EML5: variants seen among roughly 807,000 people sequenced by gnomAD.
EML5 encodes EMAP like 5.
EML5 carries 120 observed loss-of-function variants against 250.0 expected under a neutral mutation model. The observed-to-expected ratio is 0.48, with a 90% CI of 0.41 to 0.56. The LOEUF (loss-of-function observed/expected upper bound fraction) is 0.56, where lower values mean the gene tolerates loss of function less well. EML5 is among the 20% of genes least tolerant of loss of function. The probability of loss-of-function intolerance (pLI) is 0.00; values close to 1 mark genes in which losing one functional copy is unlikely to be tolerated. For missense variants in EML5, 2,006 were observed against 2,437.6 expected (o/e 0.82, Z 3.73); for synonymous variants, 771 against 806.5 (o/e 0.96, Z 0.75).
chr14:88,646,636 T>A (rs1240772123), intron 29 of EML5, among the ~76,000 whole-genome samples: 1 of 152,160 alleles, frequency 6.6e-6, no homozygotes, highest in East Asian at 1.9e-4. Context: ...TTTATAAAGA[T>A]CATTTAAGCA....
chr14:88,772,170 C>T (rs2094399570), intron 1 of EML5, among the ~76,000 whole-genome samples: 1 of 152,204 alleles, frequency 6.6e-6, no homozygotes, highest in African/African-American at 2.4e-5. Context: ...CTTTTCCTCA[C>T]TCATCTCATG....
At chr14:88,756,752 A>C (rs77759483) in intron 1 of EML5, among the ~76,000 whole-genome samples, 2,739 of 152,278 alleles carry the variant, frequency 0.018, 81 homozygotes, top group African/African-American at 0.061. Context: ...GAGGAATAAA[A>C]CATTTAGGAA....
At chr14:88,782,445 G>A (rs1285738515) in intron 1 of EML5, among the ~76,000 whole-genome samples, 1 of 152,200 alleles carries the variant, frequency 6.6e-6, no homozygotes, top group African/African-American at 2.4e-5. Flanking sequence ...TAAGAACGAG[G>A]AGCCAAAGGC....
At chr14:88,777,733 T>G (rs1430838842) in intron 1 of EML5, among the ~76,000 whole-genome samples, 2 of 152,184 alleles carry the variant, frequency 1.3e-5, no homozygotes, top group East Asian at 1.9e-4. Flanking sequence ...TCCCGGCACT[T>G]TGGGAGCTGA....
intron 21 of EML5, among the ~76,000 whole-genome samples, chr14:88,673,540 G>A (rs2092521901): frequency 6.6e-6 from 1 of 152,222 alleles, no homozygotes; most frequent in East Asian, 1.9e-4. Flanking sequence ...CATCAGACAA[G>A]AGAAAGAAAT....
chr14:88,765,891 C>T (rs186735469), intron 1 of EML5, among the ~76,000 whole-genome samples: 44 of 152,264 alleles, frequency 2.9e-4, no homozygotes, highest in Middle Eastern at 3.4e-3. Flanking sequence ...TCAGGGACCC[C>T]GAACGGAGGG....
chr14:88,745,694 C>T (rs1006224859), intron 3 of EML5, among the ~76,000 whole-genome samples: 2 of 152,130 alleles, frequency 1.3e-5, no homozygotes, highest in Non-Finnish European at 2.9e-5. Context: ...CTGCATATGT[C>T]AAACCCATCA....
intron 37 of EML5, chr14:88,621,821 C>T: frequency 2.2e-6 from 1 of 452,808 alleles, no homozygotes; most frequent in Non-Finnish European, 4.4e-6. Flanking sequence ...ATCTATAGGG[C>T]ATAGGGTAAT....
intron 21 of EML5, among the ~76,000 whole-genome samples, chr14:88,666,257 T>C (rs8005930): frequency 0.65 from 98,617 of 152,110 alleles, 33,848 homozygotes; most frequent in East Asian, 0.94. Context: ...ATGGAATTTC[T>C]CTCTTGTTGC....
chr14:88,707,269 AT>A (rs1335150952), intron 10 of EML5, among the ~76,000 whole-genome samples: 1 of 129,476 alleles, frequency 7.7e-6, no homozygotes, highest in African/African-American at 3.2e-5. Flanking sequence ...ATAGGGATAT[AT>A]TTTATTTATT....
chr14:88,703,483 T>C (rs1301514057), intron 13 of EML5, among the ~76,000 whole-genome samples: 1 of 152,206 alleles, frequency 6.6e-6, no homozygotes, highest in African/African-American at 2.4e-5. Context: ...AGTCAAATCT[T>C]AAAATGGTCA....
At chr14:88,659,280 T>C (rs1347974013) in intron 25 of EML5, among the ~76,000 whole-genome samples, 1 of 152,020 alleles carries the variant, frequency 6.6e-6, no homozygotes, top group Non-Finnish European at 1.5e-5. Context: ...GGCACGATCT[T>C]GGCCCACTGT....
intron 35 of EML5, chr14:88,626,136 A>T (rs1281867828): frequency 1.3e-5 from 2 of 152,240 alleles, no homozygotes. Flanking sequence ...AATGATAAAA[A>T]GCAAAGGAAA....
At chr14:88,693,519 C>T (rs887293210) in intron 17 of EML5, among the ~76,000 whole-genome samples, 1 of 152,126 alleles carries the variant, frequency 6.6e-6, no homozygotes, top group Admixed American at 6.5e-5. Flanking sequence ...CTGCCCTTGA[C>T]ACATAGGGAT....
intron 1 of EML5, among the ~76,000 whole-genome samples, chr14:88,765,158 C>T (rs1165022871): frequency 1.3e-5 from 2 of 152,142 alleles, no homozygotes; most frequent in Non-Finnish European, 2.9e-5. Context: ...TAAAGCAATA[C>T]AAGCTTATTA....
chr14:88,715,305 ATAAAG>A (rs1380165490), intron 8 of EML5, 110 bp from the exon 9 acceptor site: 5 of 1,101,882 alleles, frequency 4.5e-6, no homozygotes, highest in South Asian at 3.4e-5. Context: ...TTTATAAACT[ATAAAG>A]TAAACATAAA....
chr14:88,616,625 G>C (rs1163560043), intron 42 of EML5, 101 bp downstream of exon 42: 3 of 1,241,356 alleles, frequency 2.4e-6, no homozygotes, highest in Non-Finnish European at 3.3e-6. Context: ...GAAAAATTTA[G>C]AAATTAGGAC....
At chr14:88,679,766 T>C (rs1431780570) in intron 21 of EML5, among the ~76,000 whole-genome samples, 1 of 152,154 alleles carries the variant, frequency 6.6e-6, no homozygotes, top group African/African-American at 2.4e-5. Context: ...AAAAATGTCC[T>C]TGAAGCCATC....
intron 34 of EML5, 36 bp downstream of exon 34, chr14:88,627,610 G>GA (rs2090102878): frequency 6.4e-7 from 1 of 1,559,646 alleles, no homozygotes. Flanking sequence ...TTGTATTCTT[G>GA]TTTTTTTAAA....
Sources: gnomAD v4.1 joint callset for allele counts (sites outside exome capture counted in the v4.1 genomes callset) on GRCh38, gnomAD v4.1.1 for gene constraint, MANE v1.5 for transcripts, NCBI Gene and HGNC (gene_info 2026-07-23, HGNC 2026-07-21) for gene names.